Variants in CLIC4 observed in about 807,000 individuals in gnomAD.
CLIC4 encodes the protein chloride intracellular channel protein 4.
In CLIC4, 13 loss-of-function variants were observed where a neutral mutation model predicts 24.6. The ratio of observed to expected loss-of-function variants is 0.53; its 90% CI spans 0.34 to 0.84. The LOEUF is 0.84. Among genes scored for constraint, CLIC4 ranks in the 40% least tolerant of loss-of-function variants. The pLI is 0.01. For missense variants in CLIC4, 227 were observed against 301.7 expected, an observed-to-expected ratio of 0.75 and a Z score of 1.83; for synonymous variants, 104 against 111.3, an observed-to-expected ratio of 0.93 and a Z score of 0.41.
chr1:24,759,045 A>G (rs188875432), intron 1 of CLIC4, among the ~76,000 whole-genome samples: 46 of 152,340 alleles, frequency 3.0e-4, no homozygotes, highest in Admixed American at 1.9e-3. Flanking sequence ...AAAGCAGGTC[A>G]TGAAAGTATG....
chr1:24,748,024 C>CAA (rs34000704), intron 1 of CLIC4, among the ~76,000 whole-genome samples: 1 of 118,154 alleles, frequency 8.5e-6, no homozygotes, highest in African/African-American at 3.3e-5. Flanking sequence ...GACTTCGTCT[C>CAA]AAAAAAAAAA....
At chr1:24,829,085 T>C (rs1412418879) in intron 4 of CLIC4, among the ~76,000 whole-genome samples, 1 of 152,198 alleles carries the variant, frequency 6.6e-6, no homozygotes, top group Non-Finnish European at 1.5e-5. Flanking sequence ...TTAGTGATTC[T>C]CCTTTTTATT....
At chr1:24,771,865 T>C (rs1639074861) in intron 1 of CLIC4, 1 of 514,752 alleles carries the variant, frequency 1.9e-6, no homozygotes, top group Non-Finnish European at 3.9e-6. Flanking sequence ...TGTATCCTAA[T>C]TGATCTGCTA....
chr1:24,839,473 G>A (rs1286942237), intron 4 of CLIC4, among the ~76,000 whole-genome samples: 4 of 152,102 alleles, frequency 2.6e-5, no homozygotes, highest in Non-Finnish European at 5.9e-5. Context: ...CTAATTTTTT[G>A]TATTTTTAGT....
At chr1:24,820,049 A>T (rs1466773019) in intron 3 of CLIC4, among the ~76,000 whole-genome samples, 1 of 81,518 alleles carries the variant, frequency 1.2e-5, no homozygotes, top group African/African-American at 4.2e-5. Context: ...CCATACTTCA[A>T]AAAAAAAAAA....
chr1:24,756,984 C>T (rs1471562052), intron 1 of CLIC4, among the ~76,000 whole-genome samples: 1 of 152,092 alleles, frequency 6.6e-6, no homozygotes, highest in Non-Finnish European at 1.5e-5. Context: ...CAACCTCCGC[C>T]TCCTAGGTTC....
chr1:24,792,262 C>T (rs1304492582), intron 1 of CLIC4, among the ~76,000 whole-genome samples: 3 of 151,874 alleles, frequency 2.0e-5, no homozygotes, highest in Non-Finnish European at 4.4e-5. Flanking sequence ...ATAATCATGG[C>T]TCGCTGCAGT....
At chr1:24,825,115 A>T (rs1639775057) in intron 3 of CLIC4, among the ~76,000 whole-genome samples, 1 of 152,262 alleles carries the variant, frequency 6.6e-6, no homozygotes, top group African/African-American at 2.4e-5. Flanking sequence ...TGTATGAATG[A>T]TGAATATATA....
chr1:24,792,136 G>A (rs535875581), intron 1 of CLIC4, among the ~76,000 whole-genome samples: 1 of 150,482 alleles, frequency 6.6e-6, no homozygotes, highest in African/African-American at 2.4e-5. Flanking sequence ...GTGCATGTGT[G>A]TATATATATG....
intron 2 of CLIC4, 200 bp downstream of exon 2, chr1:24,798,051 T>A (rs1038434637): frequency 7.0e-6 from 3 of 431,506 alleles, no homozygotes; most frequent in African/African-American, 2.1e-5. Context: ...CAGTCTTTTT[T>A]AGGAACTTTT....
intron 1 of CLIC4, among the ~76,000 whole-genome samples, chr1:24,760,071 A>C (rs557962620): frequency 3.3e-5 from 5 of 152,256 alleles, no homozygotes; most frequent in Non-Finnish European, 7.4e-5. Flanking sequence ...TCTTGCCTCA[A>C]ATTTTAAATA....
intron 3 of CLIC4, among the ~76,000 whole-genome samples, chr1:24,817,268 T>C (rs1017414178): frequency 6.6e-6 from 1 of 150,512 alleles, no homozygotes; most frequent in Non-Finnish European, 1.5e-5. Flanking sequence ...ATAGATCAGC[T>C]AGATCTTCTA....
intron 1 of CLIC4, among the ~76,000 whole-genome samples, chr1:24,782,507 T>TA (rs556982611): frequency 1.2e-3 from 168 of 141,498 alleles, no homozygotes; most frequent in African/African-American, 1.8e-3. Context: ...GGTGAATGAA[T>TA]AAAAAAAAAA....
At position 24,814,053 on chromosome 1, in the gene CLIC4, G is replaced by A; in HGVS notation, c.183-41G>A. 8 of 1,611,236 alleles carry A rather than the reference G, an allele frequency of 5.0e-6. No homozygotes were observed. The East Asian group carries it at 1.8e-4, about 36-fold the overall frequency. On this transcript the variant is annotated intron_variant, in intron 2 of 5. Coordinates refer to ENST00000374379, the MANE Select transcript of CLIC4 (RefSeq NM_013943.3). The stretch of plus-strand genomic sequence containing the variant: ...TTTAAAGTATTATTGTTGTTTAAGA[G>A]TAAAAAATGATCTGATTTTGACCAA...
chr1:24,819,336 A>G (rs1343399345), intron 3 of CLIC4, among the ~76,000 whole-genome samples: 1 of 152,166 alleles, frequency 6.6e-6, no homozygotes, highest in African/African-American at 2.4e-5. Flanking sequence ...ATATAATTAG[A>G]ATGCCAATAA....
chr1:24,835,436 G>A (rs534577457), intron 4 of CLIC4, among the ~76,000 whole-genome samples: 6 of 152,252 alleles, frequency 3.9e-5, no homozygotes, highest in South Asian at 2.1e-4. Flanking sequence ...GGTTGCTCAC[G>A]CCTATAATCC....
At chr1:24,812,336 G>C (rs550691086) in intron 2 of CLIC4, among the ~76,000 whole-genome samples, 19 of 152,138 alleles carry the variant, frequency 1.2e-4, no homozygotes, top group African/African-American at 4.6e-4. Context: ...TGTCAAGCCT[G>C]GACTTCTAGA....
intron 1 of CLIC4, among the ~76,000 whole-genome samples, chr1:24,752,747 G>A (rs1638792105): frequency 1.3e-5 from 2 of 151,750 alleles, no homozygotes; most frequent in African/African-American, 4.8e-5. Context: ...TTTTTGAGAC[G>A]GAGTCTCGCT....
At chr1:24,795,693 C>G (rs1171882490) in intron 1 of CLIC4, among the ~76,000 whole-genome samples, 3 of 152,186 alleles carry the variant, frequency 2.0e-5, no homozygotes, top group Non-Finnish European at 4.4e-5. Flanking sequence ...GTCTCAGCCC[C>G]CCGGGTAGCT....
Sources: allele counts gnomAD v4.1 joint callset (sites outside exome capture counted in the v4.1 genomes callset), GRCh38; gene constraint gnomAD v4.1.1; transcripts MANE v1.5; gene names NCBI Gene and HGNC (gene_info 2026-07-23, HGNC 2026-07-21).